The following RABGAP1L variants were observed in gnomAD, a reference collection of about 807,000 sequenced individuals.
RABGAP1L encodes the protein rab GTPase-activating protein 1-like.
Under a neutral mutation model 137.7 loss-of-function variants are expected in RABGAP1L, and 63 were observed. That is an observed-to-expected ratio of 0.46 (90% CI 0.37 to 0.56). RABGAP1L has a LOEUF of 0.56. Among genes scored for constraint, RABGAP1L ranks in the 20% least tolerant of loss-of-function variants. The pLI is 0.00. For synonymous variants in RABGAP1L, 431 were observed against 433.7 expected (o/e 0.99, Z 0.08); for missense variants, 1,095 against 1,244.0 (o/e 0.88, Z 1.80).
chr1:174,266,444 T>C (rs1674080480), intron 7 of RABGAP1L, among the ~76,000 whole-genome samples: 1 of 152,210 alleles, frequency 6.6e-6, no homozygotes. Context: ...CTTTAGAACC[T>C]ATGTGTGTAT....
chr1:174,545,889 A>G (rs1373085762), intron 13 of RABGAP1L: 1 of 152,222 alleles, frequency 6.6e-6, no homozygotes, highest in Non-Finnish European at 1.5e-5. Flanking sequence ...TTTAATAAAT[A>G]TTAGCTTTGG....
intron 13 of RABGAP1L, among the ~76,000 whole-genome samples, chr1:174,503,233 T>C (rs1249610450): frequency 6.6e-6 from 1 of 152,226 alleles, no homozygotes; most frequent in Non-Finnish European, 1.5e-5. Context: ...ACAGCTGCTC[T>C]GGTGCCACTA....
At chr1:174,350,609 G>A (rs1571350250) in intron 11 of RABGAP1L, among the ~76,000 whole-genome samples, 3 of 81,620 alleles carry the variant, frequency 3.7e-5, no homozygotes, top group Admixed American at 1.2e-4. Flanking sequence ...TTTCCAGACT[G>A]GGCAGCCAGG....
At chr1:174,651,434 G>A (rs1350637848) in intron 14 of RABGAP1L, among the ~76,000 whole-genome samples, 4 of 152,072 alleles carry the variant, frequency 2.6e-5, no homozygotes, top group Non-Finnish European at 5.9e-5. Context: ...TGACAGTGGG[G>A]TGTTAAAGTC....
intron 13 of RABGAP1L, among the ~76,000 whole-genome samples, chr1:174,632,345 T>C (rs1264280924): frequency 2.7e-5 from 4 of 148,168 alleles, no homozygotes; most frequent in African/African-American, 1.0e-4. Context: ...TCATTTCAAC[T>C]TTGGTGAATC....
intron 13 of RABGAP1L, among the ~76,000 whole-genome samples, chr1:174,577,885 A>G (rs753203731): frequency 6.6e-6 from 1 of 152,244 alleles, no homozygotes; most frequent in Non-Finnish European, 1.5e-5. Flanking sequence ...GGGCTTATAA[A>G]TGAGAAATTA....
chr1:174,639,443 A>T (rs1674345121), intron 14 of RABGAP1L, among the ~76,000 whole-genome samples: 1 of 152,202 alleles, frequency 6.6e-6, no homozygotes, highest in African/African-American at 2.4e-5. Flanking sequence ...TACTACTTTG[A>T]AATTCTGCAA....
rs116080233 is a variant in RABGAP1L, at chr1:174,544,406, C to T, written c.1711-92969C>T. Among the ~76,000 whole-genome samples the T allele has an allele frequency of 9.6e-3, 1,465 of 152,192 alleles. 24 individuals are homozygous for T. The highest frequency in any genetic ancestry group is 0.033 in the African/African-American group (1,390 of 41,502). On this transcript the variant is annotated intron_variant, in intron 13 of 25. Transcript: ENST00000681986. ...ATTTAATCAGCTGCTGAAGCTTGTG[C>T]GTGCATCATGTAGTTCTCTTGCCAT...
intron 13 of RABGAP1L, among the ~76,000 whole-genome samples, chr1:174,488,698 T>C (rs958473590): frequency 4.6e-5 from 7 of 151,916 alleles, no homozygotes; most frequent in African/African-American, 1.5e-4. Flanking sequence ...GTAAATCTTC[T>C]AGGTGTGCTT....
At chr1:174,472,657 G>C (rs1658072413) in intron 13 of RABGAP1L, among the ~76,000 whole-genome samples, 1 of 152,196 alleles carries the variant, frequency 6.6e-6, no homozygotes, top group Admixed American at 6.5e-5. Flanking sequence ...GTATGGTAAA[G>C]TGTTATGTGC....
intron 11 of RABGAP1L, among the ~76,000 whole-genome samples, chr1:174,353,221 T>C (rs1388322597): frequency 6.6e-6 from 1 of 152,186 alleles, no homozygotes; most frequent in Admixed American, 6.5e-5. Flanking sequence ...GAATGGGGGC[T>C]TCAGGACTCT....
chr1:174,298,748 G>A (rs1356479718), intron 10 of RABGAP1L, among the ~76,000 whole-genome samples: 2 of 152,284 alleles, frequency 1.3e-5, no homozygotes, highest in African/African-American at 4.8e-5. Context: ...GCCTGGCTTT[G>A]TTTACCTCCC....
intron 19 of RABGAP1L, among the ~76,000 whole-genome samples, chr1:174,836,933 G>A (rs980437942): frequency 3.3e-5 from 5 of 152,194 alleles, no homozygotes; most frequent in African/African-American, 4.8e-5. Flanking sequence ...CAGGCGGGGC[G>A]CAGTGGCTCA....
chr1:174,494,764 A>G (rs1387498005), intron 13 of RABGAP1L, among the ~76,000 whole-genome samples: 1 of 152,160 alleles, frequency 6.6e-6, no homozygotes, highest in East Asian at 1.9e-4. Flanking sequence ...TTTACCCTGG[A>G]ACCTAGGTTA....
intron 1 of RABGAP1L, among the ~76,000 whole-genome samples, chr1:174,181,555 T>C (rs1666367931): frequency 6.6e-6 from 1 of 152,112 alleles, no homozygotes; most frequent in Admixed American, 6.5e-5. Flanking sequence ...GCCAGGATGG[T>C]CTCGATCTCA....
chr1:174,384,654 A>G (rs547905415), intron 12 of RABGAP1L, among the ~76,000 whole-genome samples: 184 of 152,114 alleles, frequency 1.2e-3, no homozygotes, highest in African/African-American at 4.2e-3. Context: ...TGTAATATTT[A>G]TTATAGGTAA....
chr1:174,362,859 T>C (rs1684266628), intron 11 of RABGAP1L, among the ~76,000 whole-genome samples: 1 of 152,170 alleles, frequency 6.6e-6, no homozygotes. Flanking sequence ...TCATGAAATA[T>C]TTGTGCCGAT....
chr1:174,538,159 C>A lies in RABGAP1L; in HGVS notation c.1711-99216C>A, dbSNP rs193005130. ...GAACCCTGCTTTGGGAAAACCATTT[C>A]TTTGCTTATGTTGGTACTTCCATTT... On this transcript the variant is annotated intron_variant, in intron 13 of 25. Transcript: ENST00000681986. 1.6e-4 allele frequency among the ~76,000 whole-genome samples: 25 copies of A among 152,296 alleles called. No individual in the cohort carries two copies. The East Asian group carries it at 3.9e-3, about 23-fold the overall frequency.
At chr1:174,617,027 C>CA (rs751455526) in intron 13 of RABGAP1L, among the ~76,000 whole-genome samples, 5 of 152,000 alleles carry the variant, frequency 3.3e-5, no homozygotes, top group African/African-American at 7.2e-5. Context: ...AAGCAGAAGA[C>CA]AAGAAGTAAG....
Sources: gnomAD v4.1 joint callset for allele counts (sites outside exome capture counted in the v4.1 genomes callset) on GRCh38, gnomAD v4.1.1 for gene constraint, MANE v1.5 for transcripts, NCBI Gene and HGNC (gene_info 2026-07-23, HGNC 2026-07-21) for gene names.